Variants in UBR4 observed in about 807,000 individuals in gnomAD.
UBR4 encodes E3 ubiquitin-protein ligase UBR4.
Under a neutral mutation model 575.6 loss-of-function variants are expected in UBR4, and 124 were observed. The observed-to-expected ratio is 0.22, with a 90% CI of 0.19 to 0.25. The LOEUF (loss-of-function observed/expected upper bound fraction) is 0.25, where lower values mean the gene tolerates loss of function less well. Among genes scored for constraint, UBR4 ranks in the 10% least tolerant of loss-of-function variants. UBR4 has a pLI of 1.00. For synonymous variants in UBR4, 2,455 were observed against 2,473.7 expected (o/e 0.99, Z 0.22); for missense variants, 4,818 against 6,478.8 (o/e 0.74, Z 8.80).
chr1:19,122,353 A>G (rs940010905), intron 66 of UBR4, among the ~76,000 whole-genome samples: 20 of 152,242 alleles, frequency 1.3e-4, no homozygotes, highest in Admixed American at 7.8e-4. Flanking sequence ...ATATAACGAT[A>G]AGCAAGAACA....
intron 60 of UBR4, among the ~76,000 whole-genome samples, chr1:19,133,946 T>A (rs2082861163): frequency 6.6e-6 from 1 of 151,740 alleles, no homozygotes; most frequent in African/African-American, 2.4e-5. Context: ...GGGTGCCAGG[T>A]GTGGTGGCAC....
At chr1:19,142,402 C>G (rs547668447) in intron 55 of UBR4, among the ~76,000 whole-genome samples, 1 of 152,290 alleles carries the variant, frequency 6.6e-6, no homozygotes, top group Non-Finnish European at 1.5e-5. Flanking sequence ...GGATAGAGAC[C>G]TCACCTTCCA....
At chr1:19,097,362 GC>G in intron 90 of UBR4, 82 bp from the exon 91 acceptor site, 1 of 1,241,620 alleles carries the variant, frequency 8.1e-7, no homozygotes, top group Non-Finnish European at 1.1e-6. Flanking sequence ...CTTGCTTAAA[GC>G]CCCAGCAATG....
At position 19,117,319 on chromosome 1, in the gene UBR4, T is replaced by C. The variant is rs1400308186; in HGVS notation, c.10725A>G (p.Thr3575=). The C allele has an allele frequency of 6.2e-7, 1 of 1,614,218 alleles. No individual in the cohort carries two copies. The highest frequency in any genetic ancestry group is 1.1e-5 in the South Asian group (1 of 91,080). ...TCCGTTTCAGATCCCCGATTTTCAC[T>C]GTCACTTTGCTGATGGTGTGACTGC... The part of the protein sequence containing the change: ...LIGSHTISKV[T]VKIGDLKRTK... The change falls in exon 73 of 106, where the codon ACA becomes ACG. Residue 3575 remains threonine (T), a synonymous_variant. Coordinates refer to ENST00000375254, the MANE Select transcript of UBR4 (RefSeq NM_020765.3). The surrounding 1 kb of genome is among the most constrained non-coding windows in gnomAD (Gnocchi z 4.0).
chr1:19,163,333 C>T (rs1331474119), intron 34 of UBR4, among the ~76,000 whole-genome samples: 3 of 152,156 alleles, frequency 2.0e-5, no homozygotes, highest in Admixed American at 6.5e-5. Flanking sequence ...AGTTTCAAAC[C>T]GCTTTTCTTA....
chr1:19,132,259 G>A (rs1156593357), intron 60 of UBR4, among the ~76,000 whole-genome samples: 2 of 151,974 alleles, frequency 1.3e-5, no homozygotes, highest in Non-Finnish European at 2.9e-5. Context: ...TCGGCTCATA[G>A]CAACCTCCAC....
intron 64 of UBR4, 68 bp from the exon 65 acceptor site, chr1:19,124,758 C>G (rs922921326): frequency 6.4e-7 from 1 of 1,572,696 alleles, no homozygotes; most frequent in Non-Finnish European, 8.6e-7. Flanking sequence ...TAGGAAAAAG[C>G]CTGGCTCATT....
At chr1:19,147,106 A>C in intron 51 of UBR4, 106 bp from the exon 52 acceptor site, 11 of 1,297,672 alleles carry the variant, frequency 8.5e-6, no homozygotes, top group Non-Finnish European at 1.2e-5. Flanking sequence ...ACCTCCTCTC[A>C]AGAGAACAGG....
rs569049081 is a variant in UBR4 at position 19,145,563 on chromosome 1, A to T, written c.7945+230T>A. The stretch of plus-strand genomic sequence containing the variant: ...CACACAGTGCCTCTTTATGTAAAAT[A>T]TTCAACCCCGATGAAAAGATATGGT... On this transcript the variant is annotated intron_variant, in intron 53 of 105. Coordinates refer to ENST00000375254, the MANE Select transcript of UBR4 (RefSeq NM_020765.3). Among the ~76,000 whole-genome samples the T allele has an allele frequency of 4.7e-5, 7 of 147,608 alleles. No homozygotes were observed. The East Asian group carries it at 1.5e-3, about 31-fold the overall frequency.
Position 19,152,051 on chromosome 1 carries a change from C to A in UBR4, c.6997-192G>T, listed in dbSNP as rs2085802978. On this transcript the variant is annotated intron_variant, in intron 47 of 105. Transcript: ENST00000375254. The surrounding 1 kb of genome is among the most constrained non-coding windows in gnomAD (Gnocchi z 4.4). ...AGAGCAGATTCTCTTCAATGTCAGGCTTCCTTCTCCCCAGTATTAACCACC... is the reference window on the plus strand; with the variant it reads ...AGAGCAGATTCTCTTCAATGTCAGGATTCCTTCTCCCCAGTATTAACCACC... 6.6e-6 allele frequency among the ~76,000 whole-genome samples: 1 copy of A among 152,208 alleles called. No individual in the cohort carries two copies. The highest frequency in any genetic ancestry group is 2.4e-5 in the African/African-American group (1 of 41,462).
intron 87 of UBR4, among the ~76,000 whole-genome samples, chr1:19,103,078 C>A (rs1035556391): frequency 6.6e-6 from 1 of 152,158 alleles, no homozygotes; most frequent in Admixed American, 6.5e-5. Flanking sequence ...ATCTTTGGCC[C>A]AGTCCTAAAG....
In UBR4 at chr1:19,101,586, G is replaced by C; in HGVS notation, c.12957C>G (p.Arg4319=). 1.2e-6 allele frequency: 2 copies of C among 1,613,930 alleles called. No homozygotes were observed. The highest frequency in any genetic ancestry group is 1.7e-6 in the Non-Finnish European group (2 of 1,179,818). Residue 4319 remains arginine (R), a synonymous_variant, in exon 88 of 106, where the codon CGC becomes CGG. Coordinates refer to ENST00000375254, the MANE Select transcript of UBR4 (RefSeq NM_020765.3). ...GGGTCCGGTAGTCATCCAGATTGTA[G>C]CGCTTGGCTGTCTCAATGCACACAG... ...FMAVCIETAK[R]YNLDDYRTPV...
intron 94 of UBR4, 50 bp from the exon 95 acceptor site, chr1:19,094,189 G>T: frequency 6.8e-7 from 1 of 1,468,328 alleles, no homozygotes; most frequent in South Asian, 1.2e-5. Flanking sequence ...CAGGACTGTG[G>T]CTGCAGCCAA....
At chr1:19,083,009 GCCTCTGGCTGA>G in intron 102 of UBR4, among the ~76,000 whole-genome samples, 1 of 152,338 alleles carries the variant, frequency 6.6e-6, no homozygotes, top group South Asian at 2.1e-4. Flanking sequence ...TTCTGGGTCA[GCCTCTGGCTGA>G]CCAAAGAAAC....
chr1:19,093,292 C>T lies in UBR4; in HGVS notation c.14111+21G>A, dbSNP rs758429107. 27 of 1,608,414 alleles carry T rather than the reference C, an allele frequency of 1.7e-5. No individual in the cohort carries two copies. The East Asian group carries it at 2.2e-4, about 13-fold the overall frequency. On this transcript the variant is annotated intron_variant, in intron 96 of 105. Transcript: ENST00000375254. The surrounding 1 kb of genome is among the most constrained non-coding windows in gnomAD (Gnocchi z 4.8). ...GGGCAAAGCGAAGGCAAAGCAGCCC[C>T]GCTGCGGGAGGGCTTCATACTTCTT...
At position 19,105,849 on chromosome 1, in the gene UBR4, G is replaced by T. The variant is rs749262043; in HGVS notation, c.12394-7C>A. On this transcript the variant is annotated splice_polypyrimidine_tract_variant and splice_region_variant and intron_variant, in intron 83 of 105. Coordinates refer to ENST00000375254, the MANE Select transcript of UBR4 (RefSeq NM_020765.3). ...TTGCTGGAGTGAAAAGCACCTGCAG[G>T]ACAGGGGAGAGAAGGGGTCGTAGAC... is the stretch of plus-strand genomic sequence containing the variant. 6.3e-7 allele frequency: 1 copy of T among 1,578,752 alleles called. No homozygotes were observed. The highest frequency in any genetic ancestry group is 8.6e-7 in the Non-Finnish European group (1 of 1,166,030).
chr1:19,133,784 A>G (rs2082825482), intron 60 of UBR4, among the ~76,000 whole-genome samples: 1 of 150,620 alleles, frequency 6.6e-6, no homozygotes, highest in East Asian at 2.0e-4. Context: ...TGTCTCAACA[A>G]AAAAAAAAAC....
chr1:19,130,247 A>G (rs1212193320), intron 60 of UBR4, among the ~76,000 whole-genome samples: 1 of 152,200 alleles, frequency 6.6e-6, no homozygotes. Flanking sequence ...TCAAAGTAAT[A>G]CAAGTCTGGA....
intron 14 of UBR4, 54 bp from the exon 15 acceptor site, chr1:19,185,340 G>A (rs2091419765): frequency 6.7e-7 from 1 of 1,483,062 alleles, no homozygotes; most frequent in African/African-American, 1.4e-5. Flanking sequence ...AAGTGTTTTT[G>A]GTGCATCTGC....
Sources: allele counts gnomAD v4.1 joint callset (sites outside exome capture counted in the v4.1 genomes callset), GRCh38; gene constraint gnomAD v4.1.1; non-coding constraint Gnocchi (gnomAD v3.1); transcripts MANE v1.5; gene names NCBI Gene and HGNC (gene_info 2026-07-23, HGNC 2026-07-21).